Variants in MTFR1 observed in about 807,000 individuals in gnomAD.
MTFR1 encodes the protein chondrocyte protein with a poly-proline region.
In MTFR1, 28 loss-of-function variants were observed where a neutral mutation model predicts 38.8. The ratio of observed to expected loss-of-function variants is 0.72; its 90% CI spans 0.53 to 0.99. The LOEUF (loss-of-function observed/expected upper bound fraction) is 0.99. MTFR1 is among the 50% of genes least tolerant of loss of function. MTFR1 has a pLI of 0.00. For synonymous variants in MTFR1, 145 were observed against 137.0 expected (o/e 1.06, Z -0.41); for missense variants, 358 against 395.5 (o/e 0.91, Z 0.81).
the MTFR1 span, among the ~76,000 whole-genome samples, chr8:65,776,317 T>C: frequency 4.6e-5 from 7 of 152,304 alleles, no homozygotes; most frequent in South Asian, 1.0e-3. Flanking sequence ...TATTCTATTG[T>C]CAGTCCTTGA....
At chr8:65,722,694 A>AT (rs1210189087) in intron 3 of MTFR1, 1 of 152,180 alleles carries the variant, frequency 6.6e-6, no homozygotes, top group Non-Finnish European at 1.5e-5. Context: ...GTCACAGGAC[A>AT]TTTTCATTAT....
chr8:65,713,123 A>C (rs1805998059), downstream of MTFR1, among the ~76,000 whole-genome samples: 1 of 152,242 alleles, frequency 6.6e-6, no homozygotes, highest in Non-Finnish European at 1.5e-5. Flanking sequence ...ATTTTAAATT[A>C]TAGCCAACAA....
At chr8:65,646,728 G>A (rs1451489322) in intron 1 of MTFR1, among the ~76,000 whole-genome samples, 1 of 152,190 alleles carries the variant, frequency 6.6e-6, no homozygotes, top group East Asian at 1.9e-4. Flanking sequence ...TCTTTAATAT[G>A]TAACCAGTTA....
At chr8:65,757,790 T>C (rs938182077) in intron 3 of MTFR1, among the ~76,000 whole-genome samples, 5 of 152,120 alleles carry the variant, frequency 3.3e-5, no homozygotes, top group African/African-American at 1.2e-4. Flanking sequence ...GGCTAACTTT[T>C]GCATTTTTAG....
intron 2 of MTFR1, among the ~76,000 whole-genome samples, chr8:65,717,327 A>C (rs926517379): frequency 6.6e-6 from 1 of 152,258 alleles, no homozygotes; most frequent in African/African-American, 2.4e-5. Context: ...ATATCAATCA[A>C]GTAGAGTGGA....
intron 1 of MTFR1, among the ~76,000 whole-genome samples, chr8:65,666,364 C>T (rs562701776): frequency 4.1e-4 from 62 of 152,312 alleles, no homozygotes; most frequent in African/African-American, 1.4e-3. Context: ...TGAGATCGCG[C>T]CACTGCAGTC....
the MTFR1 span, among the ~76,000 whole-genome samples, chr8:65,776,709 G>C: frequency 2.0e-5 from 3 of 152,030 alleles, no homozygotes; most frequent in Admixed American, 1.3e-4. Context: ...TTACTTTACA[G>C]AACTCCCACT....
intron 3 of MTFR1, chr8:65,727,496 C>G (rs1422325680): frequency 1.6e-6 from 1 of 607,186 alleles, no homozygotes; most frequent in African/African-American, 1.9e-5. Flanking sequence ...ACTGGCAAAG[C>G]CATGATACAA....
At chr8:65,713,842 CCTGG>C (rs1806027125), downstream of MTFR1, among the ~76,000 whole-genome samples, 2 of 151,940 alleles carry the variant, frequency 1.3e-5, no homozygotes, top group African/African-American at 4.8e-5. Flanking sequence ...CACCACTATG[CCTGG>C]CTAATTTTTG....
At chr8:65,770,432 A>G (rs1435800807) in intron 3 of MTFR1, among the ~76,000 whole-genome samples, 1 of 152,200 alleles carries the variant, frequency 6.6e-6, no homozygotes, top group African/African-American at 2.4e-5. Flanking sequence ...TAAAATCATC[A>G]GATTTCGTGA....
chr8:65,709,257 T>A lies in MTFR1; in HGVS notation c.*213T>A. 2.0e-6 allele frequency: 1 copy of A among 510,002 alleles called. No individual in the cohort carries two copies. The highest frequency in any genetic ancestry group is 3.3e-5 in the Admixed American group (1 of 30,534). The allele number at this position is 510,002 out of a possible 1,614,324, so 31.6% of individuals were successfully genotyped here. ...TTTGGTGCTCTCCACAACATGTGTG[T>A]TCTGACATGTTTCTAATATGTGGCC... is the stretch of plus-strand genomic sequence containing the variant. On this transcript the variant is annotated 3_prime_UTR_variant, in exon 8 of 8. Transcript: ENST00000262146.
chr8:65,686,522 G>A (rs1805079842), intron 3 of MTFR1, among the ~76,000 whole-genome samples: 1 of 149,464 alleles, frequency 6.7e-6, no homozygotes, highest in African/African-American at 2.5e-5. Flanking sequence ...GGAGGTTGCA[G>A]TGAGCCGAGT....
At chr8:65,677,015 A>T (rs927970604) in intron 2 of MTFR1, among the ~76,000 whole-genome samples, 10 of 151,992 alleles carry the variant, frequency 6.6e-5, no homozygotes, top group African/African-American at 2.4e-4. Context: ...TAGATTATTT[A>T]AAAAAGCAGT....
At chr8:65,727,055 G>T in intron 3 of MTFR1, 2 of 982,326 alleles carry the variant, frequency 2.0e-6, no homozygotes, top group African/African-American at 1.6e-5. Context: ...ATATTAATCT[G>T]GTTAAAATTC....
At chr8:65,742,474 G>A (rs1217015788) in intron 3 of MTFR1, among the ~76,000 whole-genome samples, 3 of 152,182 alleles carry the variant, frequency 2.0e-5, no homozygotes, top group Non-Finnish European at 4.4e-5. Flanking sequence ...GTCTTGGCAC[G>A]AATCACTGCA....
At chr8:65,769,289 AT>A (rs1346394631) in intron 3 of MTFR1, among the ~76,000 whole-genome samples, 1 of 150,262 alleles carries the variant, frequency 6.7e-6, no homozygotes, top group Non-Finnish European at 1.5e-5. Context: ...GCATGCACAT[AT>A]TTTTTTTAAA....
chr8:65,754,251 G>A (rs552844742), intron 3 of MTFR1, among the ~76,000 whole-genome samples: 11 of 151,832 alleles, frequency 7.2e-5, no homozygotes, highest in South Asian at 2.1e-4. Flanking sequence ...GTGCCCCCCC[G>A]CCCCAAGATT....
Position 65,707,026 on chromosome 8 carries a change from C to T in MTFR1, c.534C>T (p.Thr178=). The T allele has an allele frequency of 2.5e-6, 4 of 1,598,454 alleles. No individual in the cohort carries two copies. The highest frequency in any genetic ancestry group is 3.4e-6 in the Non-Finnish European group (4 of 1,173,322). ...QNLTAGDLDS[T]TFGTIPPHPP... Reference sequence around the variant, plus strand: ...TTTCTGTAGGTGACTTAGATTCTACCACATTTGGTACCATACCACCACACC... The same window carrying T: ...TTTCTGTAGGTGACTTAGATTCTACTACATTTGGTACCATACCACCACACC... Residue 178 remains threonine (T), a synonymous_variant, in exon 6 of 8, where the codon ACC becomes ACT. Transcript: ENST00000262146.
At chr8:65,676,518 C>T (rs1027227557) in intron 2 of MTFR1, among the ~76,000 whole-genome samples, 2 of 152,088 alleles carry the variant, frequency 1.3e-5, no homozygotes, top group African/African-American at 4.8e-5. Context: ...TGCCCGCCAT[C>T]ACCCCTGGCT....
Sources: gnomAD v4.1 joint callset for allele counts (sites outside exome capture counted in the v4.1 genomes callset) on GRCh38, gnomAD v4.1.1 for gene constraint, MANE v1.5 for transcripts, NCBI Gene and HGNC (gene_info 2026-07-23, HGNC 2026-07-21) for gene names.